KIFC1: variants seen among roughly 807,000 people sequenced by gnomAD.
The protein encoded by KIFC1 is kinesin family member C1.
KIFC1 carries 37 observed loss-of-function variants against 66.6 expected under a neutral mutation model. That is an observed-to-expected ratio of 0.56 (90% CI 0.43 to 0.73). The LOEUF (loss-of-function observed/expected upper bound fraction) is 0.73. KIFC1 is among the 30% of genes least tolerant of loss of function. The probability of loss-of-function intolerance (pLI) is 0.00; values close to 1 mark genes in which losing one functional copy is unlikely to be tolerated. For synonymous variants in KIFC1, 325 were observed against 343.5 expected (o/e 0.95, Z 0.60); for missense variants, 721 against 859.8 (o/e 0.84, Z 2.02).
chr6:33,402,701 GC>G (rs1775437870), intron 3 of KIFC1, among the ~76,000 whole-genome samples: 1 of 150,734 alleles, frequency 6.6e-6, no homozygotes, highest in Non-Finnish European at 1.5e-5. Context: ...TTGCATTCCA[GC>G]CTGGGTGAGA....
At chr6:33,397,501 T>G (rs1182310454) in intron 1 of KIFC1, among the ~76,000 whole-genome samples, 1 of 152,060 alleles carries the variant, frequency 6.6e-6, no homozygotes, top group Non-Finnish European at 1.5e-5. Context: ...TTTCACCATG[T>G]TGGTCAGGCT....
chr6:33,398,008 A>C (rs768813278), intron 1 of KIFC1, 21 bp from the exon 2 acceptor site: 1 of 1,613,582 alleles, frequency 6.2e-7, no homozygotes. Flanking sequence ...GTATTGTCTT[A>C]AGGGTCTCTT....
Position 33,406,729 on chromosome 6 carries a change from G to A in KIFC1, c.1901+64G>A, listed in dbSNP as rs368904114. On this transcript the variant is annotated intron_variant, in intron 9 of 10. Transcript: ENST00000428849. This position sits in a 1 kb window ranked among gnomAD's most constrained non-coding sequence, Gnocchi z 4.5. ...CTGTGTTGGGGTGAGGGGTAGAAAG[G>A]GGAACAGTGGAGACCTGTCCAGGCT... 392 of 1,611,504 alleles carry A rather than the reference G, an allele frequency of 2.4e-4. 2 individuals carry two copies. The African/African-American group carries it at 3.9e-3, about 16-fold the overall frequency.
chr6:33,408,955 G>A (rs1181307782), intron 10 of KIFC1, among the ~76,000 whole-genome samples: 6 of 152,242 alleles, frequency 3.9e-5, no homozygotes, highest in Admixed American at 6.5e-5. Context: ...GGTGGATCAC[G>A]AGGTCAGGAG....
In KIFC1 at chr6:33,395,968, T is replaced by A. The variant is rs138321777; in HGVS notation, c.13-2061T>A. Among the ~76,000 whole-genome samples the A allele has an allele frequency of 6.6e-3, 1,011 of 152,348 alleles. 21 individuals are homozygous for A. Among genetic ancestry groups the A allele is most frequent in the African/African-American group, 0.023 (952 of 41,590 alleles). ...ATTGCCCCACTGATGAACATTCAATTTCATTCCTTCAAAAACTGTAGAGTC... is the reference window on the plus strand; with the variant it reads ...ATTGCCCCACTGATGAACATTCAATATCATTCCTTCAAAAACTGTAGAGTC... On this transcript the variant is annotated intron_variant, in intron 1 of 10. Transcript: ENST00000428849.
rs1296683268 is a variant in KIFC1 at position 33,398,129 on chromosome 6, G to A, written c.113G>A (p.Arg38Lys). 6.2e-7 allele frequency: 1 copy of A among 1,614,054 alleles called. No individual in the cohort carries two copies. Among genetic ancestry groups the A allele is most frequent in the Non-Finnish European group, 8.5e-7 (1 of 1,180,034 alleles). The change falls in exon 2 of 11, where the codon AGG (arginine) becomes AAG (lysine). Residue 38 changes from arginine to lysine, a missense_variant. Physicochemically the swap from Arg to Lys is conservative, Grantham distance 26 (BLOSUM62 2). Coordinates refer to ENST00000428849, the MANE Select transcript of KIFC1 (RefSeq NM_002263.4). ...LPLSGSRLKR[R>K]PDQMEDGLEP... ...CTCTCAGGAAGCAGACTCAAGAGGAGGCCTGACCAGATGGAAGATGGCCTG... is the reference window on the plus strand; with the variant it reads ...CTCTCAGGAAGCAGACTCAAGAGGAAGCCTGACCAGATGGAAGATGGCCTG...
Position 33,404,124 on chromosome 6 carries a change from A to G in KIFC1, c.751A>G (p.Lys251Glu), listed in dbSNP as rs1320255575. 6.2e-7 allele frequency: 1 copy of G among 1,605,564 alleles called. No homozygotes were observed. Among genetic ancestry groups the G allele is most frequent in the South Asian group, 1.1e-5 (1 of 90,034 alleles). ...GGGACTGATGTCCCAACTAGAGGAG[A>G]AGGAGGTAAGGGCCAGATTTTCACC... ...RRGLMSQLEE[K>E]ERRLQTSEAA... The change falls in exon 6 of 11, where the codon AAG becomes GAG. Residue 251 changes from lysine to glutamate, a missense_variant. Coordinates refer to ENST00000428849, the MANE Select transcript of KIFC1 (RefSeq NM_002263.4). The surrounding 1 kb of genome is among the most constrained non-coding windows in gnomAD (Gnocchi z 4.0).
In KIFC1 at chr6:33,404,038, C is replaced by T. The variant is rs982394094; in HGVS notation, c.665C>T (p.Thr222Met). Residue 222 changes from threonine to methionine, a missense_variant, in exon 6 of 11, where the codon ACG (threonine) becomes ATG (methionine). Physicochemically the swap from Thr to Met is moderately conservative, Grantham distance 81. Transcript: ENST00000428849. This position sits in a 1 kb window ranked among gnomAD's most constrained non-coding sequence, Gnocchi z 4.0. ...CVLELEERLS[T>M]QEGLVQELQK... ...CTGGAGCTGGAAGAGCGGCTGAGCA[C>T]GCAGGAGGGCTTGGTGCAAGAGCTT... is the stretch of plus-strand genomic sequence containing the variant. 8 of 1,614,000 alleles carry T rather than the reference C, an allele frequency of 5.0e-6. No individual in the cohort carries two copies. The East Asian group carries it at 1.3e-4, about 27-fold the overall frequency.
intron 2 of KIFC1, 24 bp from the exon 3 acceptor site, chr6:33,398,264 G>T (rs1686729109): frequency 6.2e-7 from 1 of 1,613,658 alleles, no homozygotes; most frequent in Non-Finnish European, 8.5e-7. Context: ...GGTGACTATG[G>T]ACCTTGTCTT....
Position 33,405,536 on chromosome 6 carries a change from CA to C in KIFC1, c.1443del (p.Gly483AlafsTer94), listed in dbSNP as rs761214732. ...GCTGGCCACTGGAACCCGGAAGGGT[CA>C]AGGGGGCGAGTGTGAGATTCGCCGT... ...DLLATGTRKG[Q>X]GGECEIRRAG... On this transcript the variant is annotated frameshift_variant, in exon 7 of 11. Transcript: ENST00000428849. LOFTEE classifies it high-confidence loss of function. This position sits in a 1 kb window ranked among gnomAD's most constrained non-coding sequence, Gnocchi z 5.4. The C allele has an allele frequency of 6.2e-7, 1 of 1,609,502 alleles. No individual in the cohort carries two copies. Among genetic ancestry groups the C allele is most frequent in the Non-Finnish European group, 8.5e-7 (1 of 1,178,016 alleles).
At chr6:33,408,099 G>A (rs115842222) in intron 10 of KIFC1, among the ~76,000 whole-genome samples, 1,527 of 152,282 alleles carry the variant, frequency 0.01, 11 homozygotes, top group Non-Finnish European at 0.016. Flanking sequence ...TTATACCAAT[G>A]TAACATCCAA....
In KIFC1 at chr6:33,406,612, G is replaced by C. The variant is rs532089478; in HGVS notation, c.1848G>C (p.Arg616=). 6.8e-6 allele frequency: 11 copies of C among 1,614,108 alleles called. No homozygotes were observed. In the African/African-American group the frequency reaches 8.0e-5, roughly 12 times the overall value. ...LSNKESHVPY[R]NSKLTYLLQN... ...TCTAGGAGTCCCACGTGCCTTACCG[G>C]AACAGCAAACTGACCTACCTGCTGC... is the stretch of plus-strand genomic sequence containing the variant. The change falls in exon 9 of 11, where the codon CGG becomes CGC. Residue 616 remains arginine, a synonymous_variant. Coordinates refer to ENST00000428849, the MANE Select transcript of KIFC1 (RefSeq NM_002263.4). The surrounding 1 kb of genome is among the most constrained non-coding windows in gnomAD (Gnocchi z 4.5).
At chr6:33,399,961 C>A in intron 3 of KIFC1, 1 of 559,896 alleles carries the variant, frequency 1.8e-6, no homozygotes, top group Non-Finnish European at 3.2e-6. Context: ...ATTTTTTTTC[C>A]CACTTGCCAA....
At chr6:33,408,714 A>T (rs968321473) in intron 10 of KIFC1, among the ~76,000 whole-genome samples, 2 of 151,844 alleles carry the variant, frequency 1.3e-5, no homozygotes, top group Non-Finnish European at 2.9e-5. Flanking sequence ...TTTTATTTTT[A>T]TTTTTTTTGA....
chr6:33,398,403 G>T lies in KIFC1; in HGVS notation c.250+16G>T, dbSNP rs746234809. ...CAGACCACAGGTGGGCTCTCAGGAT[G>T]GATAGACTCCAAGGACATGGAAGTC... On this transcript the variant is annotated intron_variant, in intron 3 of 10. Coordinates refer to ENST00000428849, the MANE Select transcript of KIFC1 (RefSeq NM_002263.4). 23 of 1,558,048 alleles carry T rather than the reference G, an allele frequency of 1.5e-5. No individual in the cohort carries two copies. The highest frequency in any genetic ancestry group is 1.9e-5 in the Non-Finnish European group (21 of 1,129,238).
upstream of KIFC1, chr6:33,391,785 C>T: frequency 1.5e-6 from 1 of 680,760 alleles, no homozygotes; most frequent in Non-Finnish European, 2.6e-6. Flanking sequence ...CGATTGGTCC[C>T]TGCGTGCAGA....
Position 33,406,493 on chromosome 6 carries a change from A to G in KIFC1, c.1827+7A>G, listed in dbSNP as rs773243036. 6.2e-7 allele frequency: 1 copy of G among 1,601,994 alleles called. No homozygotes were observed. Among genetic ancestry groups the G allele is most frequent in the East Asian group, 2.2e-5 (1 of 44,758 alleles). On this transcript the variant is annotated splice_region_variant and intron_variant, in intron 8 of 10. Transcript: ENST00000428849. This position sits in a 1 kb window ranked among gnomAD's most constrained non-coding sequence, Gnocchi z 4.5. Reference sequence around the variant, plus strand: ...CATGGCCCTGAGCAACAAGGTGGGAATGGGAGTGGGGTGAGATACGGGACC... The same window carrying G: ...CATGGCCCTGAGCAACAAGGTGGGAGTGGGAGTGGGGTGAGATACGGGACC...
Position 33,403,910 on chromosome 6 carries a change from G to A in KIFC1, c.537G>A (p.Lys179=). 1.2e-6 allele frequency: 2 copies of A among 1,614,210 alleles called. No homozygotes were observed. The highest frequency in any genetic ancestry group is 1.7e-6 in the Non-Finnish European group (2 of 1,180,040). ...DQLRDAQQQV[K]ALGTERTTLE... ...TCAGAGATGCCCAGCAGCAGGTCAA[G>A]GCCCTGGGGACAGAGCGCACAACAC... Residue 179 remains lysine, a synonymous_variant, in exon 6 of 11, where the codon AAG becomes AAA. Transcript: ENST00000428849. This position sits in a 1 kb window ranked among gnomAD's most constrained non-coding sequence, Gnocchi z 4.6.
chr6:33,393,832 C>T (rs1038087113), intron 1 of KIFC1, among the ~76,000 whole-genome samples: 2 of 148,668 alleles, frequency 1.3e-5, no homozygotes, highest in African/African-American at 2.5e-5. Flanking sequence ...CTGCAACCTC[C>T]GCCTCCCGGG....
Sources: gnomAD v4.1 joint callset for allele counts (sites outside exome capture counted in the v4.1 genomes callset) on GRCh38, gnomAD v4.1.1 for gene constraint, Gnocchi (gnomAD v3.1) non-coding constraint, MANE v1.5 for transcripts, NCBI Gene and HGNC (gene_info 2026-07-23, HGNC 2026-07-21) for gene names.